FNDC3A: variants seen among roughly 807,000 people sequenced by gnomAD.
FNDC3A encodes the protein fibronectin type III domain containing 3A.
Under a neutral mutation model 148.9 loss-of-function variants are expected in FNDC3A, and 32 were observed. That is an observed-to-expected ratio of 0.21 (90% CI 0.16 to 0.29). The LOEUF is 0.29. Among genes scored for constraint, FNDC3A ranks in the 10% least tolerant of loss-of-function variants. FNDC3A has a pLI of 1.00. For missense variants in FNDC3A, 1,191 were observed against 1,452.8 expected (o/e 0.82, Z 2.93); for synonymous variants, 472 against 473.6 (o/e 1.00, Z 0.04).
chr13:49,118,191 A>G (rs1881088237), intron 4 of FNDC3A, among the ~76,000 whole-genome samples: 1 of 152,160 alleles, frequency 6.6e-6, no homozygotes, highest in Admixed American at 6.5e-5. Context: ...CACAGAGGGC[A>G]AGCCCACAGA....
chr13:49,143,388 G>A (rs1036840823), intron 7 of FNDC3A, among the ~76,000 whole-genome samples: 1 of 151,970 alleles, frequency 6.6e-6, no homozygotes, highest in Non-Finnish European at 1.5e-5. Context: ...TATTTTTTAA[G>A]TTGAAATTAG....
intron 13 of FNDC3A, among the ~76,000 whole-genome samples, chr13:49,176,804 C>G (rs1885053765): frequency 6.6e-6 from 1 of 151,290 alleles, no homozygotes; most frequent in Admixed American, 6.6e-5. Context: ...AGAACTCAGT[C>G]TTTTTTTTTC....
At chr13:49,124,214 C>T (rs1169568136) in intron 4 of FNDC3A, among the ~76,000 whole-genome samples, 1 of 152,046 alleles carries the variant, frequency 6.6e-6, no homozygotes, top group Non-Finnish European at 1.5e-5. Flanking sequence ...AGCTGGAAAC[C>T]ATCATTCTCA....
intron 2 of FNDC3A, among the ~76,000 whole-genome samples, chr13:49,055,485 C>T (rs955403333): frequency 3.3e-5 from 5 of 152,094 alleles, no homozygotes; most frequent in African/African-American, 1.2e-4. Context: ...AGCCAACCAG[C>T]ATTTAACATC....
intron 2 of FNDC3A, among the ~76,000 whole-genome samples, chr13:49,008,393 G>A (rs1209259291): frequency 2.0e-5 from 3 of 152,122 alleles, no homozygotes; most frequent in African/African-American, 7.2e-5. Flanking sequence ...GCTTACCTAT[G>A]GAGATATGAC....
chr13:49,099,646 C>G (rs956624608), intron 3 of FNDC3A, among the ~76,000 whole-genome samples: 9 of 152,034 alleles, frequency 5.9e-5, no homozygotes, highest in Admixed American at 2.0e-4. Context: ...GCAGTAAACT[C>G]TCTCAGCAAT....
At chr13:49,203,399 G>A (rs1886508491) in intron 25 of FNDC3A, 115 bp downstream of exon 25, 2 of 693,114 alleles carry the variant, frequency 2.9e-6, no homozygotes, top group Non-Finnish European at 4.8e-6. Flanking sequence ...TATTTATTCA[G>A]TATATATTAT....
intron 1 of FNDC3A, among the ~76,000 whole-genome samples, chr13:48,982,585 C>T (rs1951712853): frequency 1.3e-5 from 2 of 152,152 alleles, no homozygotes; most frequent in Admixed American, 1.3e-4. Context: ...AGGCTGCTTC[C>T]AGGATATTTA....
intron 14 of FNDC3A, 130 bp from the exon 15 acceptor site, chr13:49,185,834 G>T (rs763518025): frequency 3.0e-5 from 20 of 666,382 alleles, no homozygotes; most frequent in Non-Finnish European, 4.9e-5. Flanking sequence ...CAAAGAACAA[G>T]CCATTCCAAG....
intron 1 of FNDC3A, among the ~76,000 whole-genome samples, chr13:48,982,469 G>T (rs913289681): frequency 6.6e-6 from 1 of 152,034 alleles, no homozygotes; most frequent in Non-Finnish European, 1.5e-5. Flanking sequence ...TAGTATGTTC[G>T]CATTTTTGTT....
At chr13:49,144,731 G>A (rs1030754627) in intron 7 of FNDC3A, among the ~76,000 whole-genome samples, 11 of 151,828 alleles carry the variant, frequency 7.2e-5, no homozygotes, top group Non-Finnish European at 1.0e-4. Flanking sequence ...CTTTCTCTGC[G>A]TCTCACCACA....
chr13:49,129,384 C>G (rs528238981), intron 4 of FNDC3A, among the ~76,000 whole-genome samples: 5 of 152,104 alleles, frequency 3.3e-5, no homozygotes, highest in Admixed American at 6.5e-5. Context: ...AGTTTGGAAC[C>G]AGGTTGAATG....
intron 14 of FNDC3A, among the ~76,000 whole-genome samples, chr13:49,184,529 T>A (rs780436234): frequency 3.6e-4 from 55 of 152,180 alleles, no homozygotes; most frequent in Non-Finnish European, 6.5e-4. Flanking sequence ...GTCTCCTTTT[T>A]GTAAGGTCAA....
chr13:49,038,571 TA>T (rs1217015634), intron 2 of FNDC3A, among the ~76,000 whole-genome samples: 2 of 152,176 alleles, frequency 1.3e-5, no homozygotes, highest in African/African-American at 2.4e-5. Context: ...TGTGAGAAAA[TA>T]AATTTCTGTG....
At chr13:49,087,636 T>G (rs1015240805) in intron 3 of FNDC3A, among the ~76,000 whole-genome samples, 2 of 152,132 alleles carry the variant, frequency 1.3e-5, no homozygotes, top group African/African-American at 2.4e-5. Flanking sequence ...GTCAAAAATT[T>G]ACAGTCAAAA....
At chr13:49,102,025 TA>T (rs1879889662) in intron 3 of FNDC3A, among the ~76,000 whole-genome samples, 1 of 152,000 alleles carries the variant, frequency 6.6e-6, no homozygotes, top group Admixed American at 6.6e-5. Context: ...TTTATGTATT[TA>T]TTTATCTCAC....
chr13:49,135,260 A>G (rs1373230113), intron 5 of FNDC3A, among the ~76,000 whole-genome samples: 1 of 152,146 alleles, frequency 6.6e-6, no homozygotes, highest in East Asian at 1.9e-4. Context: ...GAGTATATAT[A>G]TTCTGGATAC....
intron 2 of FNDC3A, among the ~76,000 whole-genome samples, chr13:49,026,992 A>G (rs946085438): frequency 1.3e-5 from 2 of 152,208 alleles, no homozygotes; most frequent in African/African-American, 4.8e-5. Context: ...ACTGTGAAAT[A>G]GAAAGTAAAG....
chr13:49,080,714 T>C (rs1878413086), intron 3 of FNDC3A, among the ~76,000 whole-genome samples: 1 of 152,200 alleles, frequency 6.6e-6, no homozygotes, highest in Admixed American at 6.5e-5. Context: ...TTTTATGTTG[T>C]GAAGAGTTAT....
Sources: gnomAD v4.1 joint callset for allele counts (sites outside exome capture counted in the v4.1 genomes callset) on GRCh38, gnomAD v4.1.1 for gene constraint, MANE v1.5 for transcripts, NCBI Gene and HGNC (gene_info 2026-07-23, HGNC 2026-07-21) for gene names.